Variants in MACROD2 observed in about 807,000 individuals in gnomAD.
The protein encoded by MACROD2 is ADP-ribose glycohydrolase MACROD2.
Under a neutral mutation model 70.4 loss-of-function variants are expected in MACROD2, and 36 were observed. The ratio of observed to expected loss-of-function variants is 0.51; its 90% CI spans 0.39 to 0.68. The LOEUF (loss-of-function observed/expected upper bound fraction) is 0.68. MACROD2 is among the 30% of genes least tolerant of loss of function. The pLI, the probability that MACROD2 is intolerant of heterozygous loss-of-function variation, is 0.00. For missense variants in MACROD2, 496 were observed against 538.4 expected (o/e 0.92, Z 0.78); for synonymous variants, 172 against 178.8 (o/e 0.96, Z 0.30).
chr20:14,503,759 C>T (rs1415683202), intron 4 of MACROD2, among the ~76,000 whole-genome samples: 1 of 152,228 alleles, frequency 6.6e-6, no homozygotes, highest in Non-Finnish European at 1.5e-5. Context: ...GCTGAACACA[C>T]CAAAGGCCTC....
intron 8 of MACROD2, among the ~76,000 whole-genome samples, chr20:15,563,149 A>G (rs1041867940): frequency 5.9e-5 from 9 of 152,206 alleles, no homozygotes; most frequent in Non-Finnish European, 1.2e-4. Flanking sequence ...TAGGAACAGC[A>G]TCACTTGTGG....
At chr20:14,677,699 A>T (rs1459100477) in intron 4 of MACROD2, among the ~76,000 whole-genome samples, 1 of 152,168 alleles carries the variant, frequency 6.6e-6, no homozygotes, top group South Asian at 2.1e-4. Flanking sequence ...TACCACAGGC[A>T]GTCTTTAATA....
chr20:15,916,218 C>A (rs1017951259), intron 10 of MACROD2, among the ~76,000 whole-genome samples: 1 of 152,132 alleles, frequency 6.6e-6, no homozygotes, highest in African/African-American at 2.4e-5. Flanking sequence ...TGGCTCTGGG[C>A]TTTTTCTCAC....
intron 9 of MACROD2, among the ~76,000 whole-genome samples, chr20:15,882,220 A>G (rs1011616190): frequency 2.0e-5 from 3 of 152,082 alleles, no homozygotes; most frequent in Non-Finnish European, 4.4e-5. Flanking sequence ...GGAGAATCGC[A>G]TGAGAATGAT....
At chr20:14,442,661 T>C (rs2084137148) in intron 3 of MACROD2, among the ~76,000 whole-genome samples, 1 of 152,114 alleles carries the variant, frequency 6.6e-6, no homozygotes, top group Admixed American at 6.5e-5. Context: ...CAATTCCTAA[T>C]GCTCTTCTTC....
chr20:15,507,521 T>G (rs1271639239), intron 8 of MACROD2, among the ~76,000 whole-genome samples: 1 of 151,906 alleles, frequency 6.6e-6, no homozygotes, highest in African/African-American at 2.4e-5. Flanking sequence ...TTCTTTTTCT[T>G]TCTTTCTTTT....
At chr20:14,163,795 T>G (rs1453747295) in intron 3 of MACROD2, among the ~76,000 whole-genome samples, 2 of 151,720 alleles carry the variant, frequency 1.3e-5, no homozygotes. Context: ...CTCCAGAATT[T>G]CTGTTTTATT....
chr20:14,928,197 A>C (rs955897539), intron 5 of MACROD2, among the ~76,000 whole-genome samples: 1 of 152,042 alleles, frequency 6.6e-6, no homozygotes, highest in Non-Finnish European at 1.5e-5. Flanking sequence ...CCAACACCCC[A>C]TCAGCTCCAG....
chr20:14,610,708 T>C (rs2123427130), intron 4 of MACROD2, among the ~76,000 whole-genome samples: 1 of 152,188 alleles, frequency 6.6e-6, no homozygotes, highest in African/African-American at 2.4e-5. Flanking sequence ...AGCCTAGCAT[T>C]GTATGAGGGT....
rs371145057 is a variant in MACROD2, at chr20:14,111,447, G to T, written c.271+25719G>T. Among the ~76,000 whole-genome samples, 56 of 152,118 alleles carry T rather than the reference G, an allele frequency of 3.7e-4. 1 individual carries two copies. The East Asian group carries it at 6.7e-3, about 18-fold the overall frequency. ...GCCCACAGAATGGGTGAAGATATTT[G>T]CAAACTACCCATCTGACAAGGAATT... On this transcript the variant is annotated intron_variant, in intron 3 of 17. Transcript: ENST00000684519.
At chr20:15,314,563 G>A (rs1424849174) in intron 6 of MACROD2, among the ~76,000 whole-genome samples, 1 of 152,210 alleles carries the variant, frequency 6.6e-6, no homozygotes, top group Non-Finnish European at 1.5e-5. Context: ...CCCTGATTTT[G>A]TAGGGAGAAA....
chr20:14,229,333 A>G (rs1230630135), intron 3 of MACROD2, among the ~76,000 whole-genome samples: 1 of 152,240 alleles, frequency 6.6e-6, no homozygotes, highest in Non-Finnish European at 1.5e-5. Context: ...CCATCTGATA[A>G]AAGACTGGTA....
chr20:14,739,074 A>G (rs4814323), intron 5 of MACROD2, among the ~76,000 whole-genome samples: 21,333 of 151,998 alleles, frequency 0.14, 2,001 homozygotes, highest in South Asian at 0.37. Flanking sequence ...ATCAAGTGAA[A>G]TATATACCAT....
At chr20:15,546,508 G>A (rs1057089528) in intron 8 of MACROD2, among the ~76,000 whole-genome samples, 1 of 152,090 alleles carries the variant, frequency 6.6e-6, no homozygotes, top group Admixed American at 6.5e-5. Flanking sequence ...AACTTGGAAT[G>A]GGTTAAAAAT....
intron 6 of MACROD2, among the ~76,000 whole-genome samples, chr20:15,431,074 T>A (rs1182061152): frequency 6.6e-6 from 1 of 152,056 alleles, no homozygotes; most frequent in Non-Finnish European, 1.5e-5. Flanking sequence ...TAGAAAGGGA[T>A]GAGTTCTGAC....
At chr20:14,683,717 A>T (rs1199292106) in intron 4 of MACROD2, among the ~76,000 whole-genome samples, 2 of 152,168 alleles carry the variant, frequency 1.3e-5, no homozygotes, top group Non-Finnish European at 2.9e-5. Context: ...TTAAATAATA[A>T]TAATGATAAT....
chr20:15,631,882 A>G (rs2049296523), intron 8 of MACROD2, among the ~76,000 whole-genome samples: 1 of 152,204 alleles, frequency 6.6e-6, no homozygotes, highest in Non-Finnish European at 1.5e-5. Flanking sequence ...TCACGCCTGT[A>G]ATCCCAGCAC....
At chr20:14,272,688 A>C (rs1601421708) in intron 3 of MACROD2, among the ~76,000 whole-genome samples, 1 of 151,364 alleles carries the variant, frequency 6.6e-6, no homozygotes, top group Non-Finnish European at 1.5e-5. Flanking sequence ...CAATTAAAAG[A>C]CACAGACTGG....
At chr20:15,315,941 C>T (rs2077805004) in intron 6 of MACROD2, among the ~76,000 whole-genome samples, 1 of 151,788 alleles carries the variant, frequency 6.6e-6, no homozygotes, top group African/African-American at 2.4e-5. Flanking sequence ...GCAAAAGCTG[C>T]ATTTGGACAC....
Sources: gnomAD v4.1 joint callset for allele counts (sites outside exome capture counted in the v4.1 genomes callset) on GRCh38, gnomAD v4.1.1 for gene constraint, MANE v1.5 for transcripts, NCBI Gene and HGNC (gene_info 2026-07-23, HGNC 2026-07-21) for gene names.